The following CGA variants were observed in gnomAD, a reference collection of about 807,000 sequenced individuals.
The protein encoded by CGA is glycoprotein hormones, alpha polypeptide, also known as glycoprotein hormones alpha chain.
CGA carries 4 observed loss-of-function variants against 12.0 expected under a neutral mutation model. That is an observed-to-expected ratio of 0.33 (90% CI 0.16 to 0.76). The LOEUF is 0.76. CGA is among the 30% of genes least tolerant of loss of function. CGA has a pLI of 0.60. For missense variants in CGA, 102 were observed against 143.5 expected, an observed-to-expected ratio of 0.71 and a Z score of 1.48; for synonymous variants, 60 against 56.6, an observed-to-expected ratio of 1.06 and a Z score of -0.27.
At position 87,088,181 on chromosome 6, in the gene CGA, T is replaced by C; in HGVS notation, c.20A>G (p.Tyr7Cys). The change falls in exon 2 of 4, where the codon TAT becomes TGT. Residue 7 changes from tyrosine to cysteine, a missense_variant. Tyr to Cys is a radical substitution (Grantham distance 194). Coordinates refer to ENST00000627148, the MANE Select transcript of CGA (RefSeq NM_000735.4). MDYYRK[Y>C]AAIFLVTLSV... ...CAATGTGACCAGAAAGATAGCTGCA[T>C]ATTTTCTGTAGTAATCCATGGCGCT... 1 of 1,588,332 alleles carries C rather than the reference T, an allele frequency of 6.3e-7. No homozygotes were observed. Among genetic ancestry groups the C allele is most frequent in the Non-Finnish European group, 8.6e-7 (1 of 1,166,610 alleles).
At chr6:87,092,440 G>A (rs1469191506) in intron 1 of CGA, among the ~76,000 whole-genome samples, 1 of 151,958 alleles carries the variant, frequency 6.6e-6, no homozygotes, top group Non-Finnish European at 1.5e-5. Context: ...TGGAGCCTGA[G>A]TGAATGAGGC....
intron 1 of CGA, among the ~76,000 whole-genome samples, chr6:87,088,538 G>A (rs929582100): frequency 2.0e-5 from 3 of 151,726 alleles, no homozygotes; most frequent in African/African-American, 7.3e-5. Context: ...AAGCCTCAAT[G>A]TCCTTATTTG....
At chr6:87,090,707 G>T (rs1769415960) in intron 1 of CGA, among the ~76,000 whole-genome samples, 1 of 142,440 alleles carries the variant, frequency 7.0e-6, no homozygotes, top group Non-Finnish European at 1.5e-5. Flanking sequence ...ATGCAGTCTT[G>T]GCTCACTGCA....
Position 87,086,243 on chromosome 6 carries a change from T to C in CGA, c.273+7A>G, listed in dbSNP as rs186652195. 70 of 1,606,414 alleles carry C rather than the reference T, an allele frequency of 4.4e-5. No individual in the cohort carries two copies. The Admixed American group carries it at 1.2e-3, about 28-fold the overall frequency. ...TAGAAAGCTTCTGGGGATCTTGAGGTTCTTACCCTGTTATATGATTTAGCT... is the reference window on the plus strand; with the variant it reads ...TAGAAAGCTTCTGGGGATCTTGAGGCTCTTACCCTGTTATATGATTTAGCT... On this transcript the variant is annotated splice_region_variant and intron_variant, in intron 3 of 3. Coordinates refer to ENST00000627148, the MANE Select transcript of CGA (RefSeq NM_000735.4).
chr6:87,086,588 GC>G (rs1374664868), intron 2 of CGA, 154 bp from the exon 3 acceptor site: 1 of 633,648 alleles, frequency 1.6e-6, no homozygotes, highest in Non-Finnish European at 2.7e-6. Context: ...AGCAGCCTGG[GC>G]AACATGGTGA....
chr6:87,085,723 C>T lies in CGA; in HGVS notation c.*33G>A, dbSNP rs372548569. The T allele has an allele frequency of 7.7e-6, 11 of 1,430,308 alleles. No individual in the cohort carries two copies. The highest frequency in any genetic ancestry group is 1.1e-5 in the Non-Finnish European group (11 of 1,015,858). The allele number at this position is 1,430,308 out of a possible 1,614,324, so 88.6% of individuals were successfully genotyped here. On this transcript the variant is annotated 3_prime_UTR_variant, in exon 4 of 4. Coordinates refer to ENST00000627148, the MANE Select transcript of CGA (RefSeq NM_000735.4). Reference sequence around the variant, plus strand: ...AACTTAATTTTCCATTCCAGAAAATCAGCAGTCATCAAGACAGCACTTGGT... The same window carrying T: ...AACTTAATTTTCCATTCCAGAAAATTAGCAGTCATCAAGACAGCACTTGGT...
In CGA at chr6:87,085,683, C is replaced by T. The variant is rs1030112271; in HGVS notation, c.*73G>A. The T allele has an allele frequency of 2.9e-6, 3 of 1,017,814 alleles. No individual in the cohort carries two copies. The highest frequency in any genetic ancestry group is 4.6e-6 in the Non-Finnish European group (3 of 653,786). 63.0% of individuals were successfully genotyped at this position (1,017,814 alleles called of 1,614,324 possible). ...AAAAGGAGAGTTTTATCTCACAAAGCCATAAACACTAAACAACTTAATTTT... is the reference window on the plus strand; with the variant it reads ...AAAAGGAGAGTTTTATCTCACAAAGTCATAAACACTAAACAACTTAATTTT... On this transcript the variant is annotated 3_prime_UTR_variant, in exon 4 of 4. Coordinates refer to ENST00000627148, the MANE Select transcript of CGA (RefSeq NM_000735.4).
Position 87,087,440 on chromosome 6 carries a change from A to G in CGA, c.88+673T>C, listed in dbSNP as rs1582319282. ...CTGAAAAGAGAATTTTGCACAGAGG[A>G]AAAATATTTTTCCCTTTAGAATCTG... On this transcript the variant is annotated intron_variant, in intron 2 of 3. Transcript: ENST00000627148. Among the ~76,000 whole-genome samples, 7 of 152,334 alleles carry G rather than the reference A, an allele frequency of 4.6e-5. 1 individual carries two copies. The highest frequency in any genetic ancestry group is 4.6e-4 in the Admixed American group (7 of 15,294).
At position 87,085,762 on chromosome 6, in the gene CGA, T is replaced by C; in HGVS notation, c.345A>G (p.Lys115=). ...ACHCSTCYYH[K]S is the part of the protein sequence containing the mutation. ...ACAGCACTTGGTAAAACATTTAAGA[T>C]TTGTGATAATAACAAGTACTGCAGT... Residue 115 remains lysine (K), a synonymous_variant, in exon 4 of 4, where the codon AAA becomes AAG. Transcript: ENST00000627148. 2 of 1,608,912 alleles carry C rather than the reference T, an allele frequency of 1.2e-6. No homozygotes were observed. The highest frequency in any genetic ancestry group is 1.7e-6 in the Non-Finnish European group (2 of 1,175,780).
rs977795099 is a variant in CGA, at chr6:87,085,836, A to G, written c.274-3T>C. Reference sequence around the variant, plus strand: ...TTGAAACCCCCCATTACTGTGACCTAAAGGGGAAGGAAAAAAAAACATATT... The same window carrying G: ...TTGAAACCCCCCATTACTGTGACCTGAAGGGGAAGGAAAAAAAAACATATT... On this transcript the variant is annotated splice_region_variant and splice_polypyrimidine_tract_variant and intron_variant, in intron 3 of 3. Transcript: ENST00000627148. 6.9e-6 allele frequency: 11 copies of G among 1,596,916 alleles called. No homozygotes were observed. The Admixed American group carries it at 1.8e-4, about 27-fold the overall frequency.
intron 2 of CGA, 115 bp from the exon 3 acceptor site, chr6:87,086,549 G>T (rs762070649): frequency 6.3e-6 from 6 of 956,090 alleles, no homozygotes; most frequent in Admixed American, 2.8e-5. Flanking sequence ...GGCCTTAGTG[G>T]GTGGATTGCT....
intron 1 of CGA, among the ~76,000 whole-genome samples, chr6:87,092,783 T>G (rs1296577628): frequency 2.1e-5 from 3 of 143,644 alleles, no homozygotes; most frequent in Non-Finnish European, 4.5e-5. Context: ...GGTCTCACTC[T>G]GTGGATCAGG....
chr6:87,088,303 A>G lies in CGA; in HGVS notation c.-7-96T>C, dbSNP rs545955272. ...AACAACCAGTAGTTTCAACATTACTATTAATAATAGTCATCAGTGTCTTGA... is the reference window on the plus strand; with the variant it reads ...AACAACCAGTAGTTTCAACATTACTGTTAATAATAGTCATCAGTGTCTTGA... On this transcript the variant is annotated intron_variant, in intron 1 of 3. Transcript: ENST00000627148. 8 of 626,466 alleles carry G rather than the reference A, an allele frequency of 1.3e-5. No homozygotes were observed. The South Asian group carries it at 1.8e-4, about 14-fold the overall frequency. 38.8% of individuals were successfully genotyped at this position (626,466 alleles called of 1,614,324 possible).
chr6:87,086,509 G>T (rs749001820), intron 2 of CGA, 75 bp from the exon 3 acceptor site: 3 of 1,420,414 alleles, frequency 2.1e-6, no homozygotes, highest in Non-Finnish European at 2.9e-6. Flanking sequence ...CAGCACAGTA[G>T]CTCACGCCTG....
intron 1 of CGA, among the ~76,000 whole-genome samples, chr6:87,091,374 T>C (rs1769429294): frequency 6.6e-6 from 1 of 152,222 alleles, no homozygotes; most frequent in African/African-American, 2.4e-5. Flanking sequence ...GAAAGCATTT[T>C]AATAAATATT....
chr6:87,087,381 C>A (rs1469673004), intron 2 of CGA, among the ~76,000 whole-genome samples: 1 of 152,148 alleles, frequency 6.6e-6, no homozygotes, highest in Non-Finnish European at 1.5e-5. Context: ...CTAGAGGAAA[C>A]ACAAAACTTG....
At chr6:87,085,889 G>GAT in intron 3 of CGA, 56 bp from the exon 4 acceptor site, 1 of 1,188,092 alleles carries the variant, frequency 8.4e-7, no homozygotes, top group Non-Finnish European at 1.2e-6. Context: ...TAGATAGATA[G>GAT]AGACAAAATT....
chr6:87,086,173 A>T, intron 3 of CGA, 77 bp downstream of exon 3: 1 of 1,353,476 alleles, frequency 7.4e-7, no homozygotes, highest in Non-Finnish European at 1.0e-6. Flanking sequence ...CTTTGGCATT[A>T]AATTCCATGG....
At chr6:87,088,614 A>C (rs904168851) in intron 1 of CGA, among the ~76,000 whole-genome samples, 4 of 152,274 alleles carry the variant, frequency 2.6e-5, no homozygotes, top group African/African-American at 9.6e-5. Context: ...ATGAGATATA[A>C]AATATACAAT....
Sources: gnomAD v4.1 joint callset for allele counts (sites outside exome capture counted in the v4.1 genomes callset) on GRCh38, gnomAD v4.1.1 for gene constraint, MANE v1.5 for transcripts, NCBI Gene and HGNC (gene_info 2026-07-23, HGNC 2026-07-21) for gene names.